PCDH9: variants seen among roughly 807,000 people sequenced by gnomAD.
PCDH9 encodes the protein protocadherin-9.
In PCDH9, 24 loss-of-function variants were observed where a neutral mutation model predicts 70.6. The observed-to-expected ratio is 0.34, with a 90% CI of 0.25 to 0.48. The LOEUF (loss-of-function observed/expected upper bound fraction) is 0.48. Among genes scored for constraint, PCDH9 ranks in the 20% least tolerant of loss-of-function variants. The probability of loss-of-function intolerance (pLI) is 0.99; values close to 1 mark genes in which losing one functional copy is unlikely to be tolerated. For missense variants in PCDH9, 1,281 were observed against 1,503.6 expected, an observed-to-expected ratio of 0.85 and a Z score of 2.45; for synonymous variants, 562 against 558.5, an observed-to-expected ratio of 1.01 and a Z score of -0.09.
chr13:66,924,986 T>A (rs2139649916), intron 2 of PCDH9, among the ~76,000 whole-genome samples: 1 of 151,878 alleles, frequency 6.6e-6, no homozygotes, highest in East Asian at 1.9e-4. Flanking sequence ...TAAACATGAT[T>A]TTTTTTATAA....
chr13:66,924,896 A>G (rs2082692845), intron 2 of PCDH9, among the ~76,000 whole-genome samples: 1 of 151,842 alleles, frequency 6.6e-6, no homozygotes, highest in Admixed American at 6.6e-5. Flanking sequence ...AAACTGGAAC[A>G]CTGGAAGGCA....
intron 3 of PCDH9, among the ~76,000 whole-genome samples, chr13:66,892,440 C>A (rs532073179): frequency 6.6e-6 from 1 of 151,938 alleles, no homozygotes; most frequent in Non-Finnish European, 1.5e-5. Flanking sequence ...GGCCTGACAT[C>A]CAAAATTTAG....
chr13:66,953,198 C>G (rs2083212065), intron 2 of PCDH9, among the ~76,000 whole-genome samples: 1 of 149,586 alleles, frequency 6.7e-6, no homozygotes, highest in Non-Finnish European at 1.5e-5. Flanking sequence ...GGCACTAGTC[C>G]ATATAACGTT....
intron 3 of PCDH9, among the ~76,000 whole-genome samples, chr13:66,726,381 G>A (rs2079005750): frequency 6.6e-6 from 1 of 152,056 alleles, no homozygotes; most frequent in South Asian, 2.1e-4. Context: ...AAGACATAAG[G>A]AAAAATGCAA....
chr13:66,679,259 A>G (rs2078285751), intron 3 of PCDH9, among the ~76,000 whole-genome samples: 1 of 151,746 alleles, frequency 6.6e-6, no homozygotes, highest in African/African-American at 2.4e-5. Context: ...ATTGACATTT[A>G]CAAGATGATT....
chr13:66,933,517 T>C (rs2082851009), intron 2 of PCDH9, among the ~76,000 whole-genome samples: 1 of 152,210 alleles, frequency 6.6e-6, no homozygotes, highest in African/African-American at 2.4e-5. Flanking sequence ...ATTGCTACAA[T>C]AGCAAAGCAG....
At chr13:66,699,456 C>T (rs1262040880) in intron 3 of PCDH9, among the ~76,000 whole-genome samples, 1 of 152,092 alleles carries the variant, frequency 6.6e-6, no homozygotes, top group African/African-American at 2.4e-5. Flanking sequence ...GATAAAATCA[C>T]CCAGGATTAT....
chr13:66,939,631 T>C (rs1474158740), intron 2 of PCDH9, among the ~76,000 whole-genome samples: 1 of 152,084 alleles, frequency 6.6e-6, no homozygotes, highest in African/African-American at 2.4e-5. Flanking sequence ...GAGACACGGC[T>C]GGTCTTGAAC....
At chr13:66,709,909 A>G (rs974744384) in intron 3 of PCDH9, among the ~76,000 whole-genome samples, 16 of 152,252 alleles carry the variant, frequency 1.1e-4, no homozygotes, top group Admixed American at 1.0e-3. Context: ...AGAAGGATGA[A>G]CTAGACAAGG....
chr13:66,869,316 A>C (rs2081630468), intron 3 of PCDH9, among the ~76,000 whole-genome samples: 1 of 152,080 alleles, frequency 6.6e-6, no homozygotes, highest in South Asian at 2.1e-4. Flanking sequence ...CATTGTCAAA[A>C]CTGGCATTTC....
intron 2 of PCDH9, among the ~76,000 whole-genome samples, chr13:66,972,430 A>G (rs1220574125): frequency 6.6e-6 from 1 of 151,896 alleles, no homozygotes; most frequent in Non-Finnish European, 1.5e-5. Context: ...CTATTTTTTG[A>G]TGGACCTTTT....
intron 2 of PCDH9, among the ~76,000 whole-genome samples, chr13:67,068,554 G>C (rs967193182): frequency 6.6e-6 from 1 of 151,998 alleles, no homozygotes; most frequent in Non-Finnish European, 1.5e-5. Context: ...TTTCATATGA[G>C]GAAACTGAAA....
At chr13:66,763,538 G>T (rs528134106) in intron 3 of PCDH9, among the ~76,000 whole-genome samples, 1 of 151,950 alleles carries the variant, frequency 6.6e-6, no homozygotes, top group Non-Finnish European at 1.5e-5. Context: ...TCCTATAGAT[G>T]TTCAAAAGGA....
At chr13:66,603,753 G>C (rs889459972) in intron 4 of PCDH9, among the ~76,000 whole-genome samples, 7 of 151,920 alleles carry the variant, frequency 4.6e-5, no homozygotes, top group Non-Finnish European at 1.0e-4. Context: ...TTTGATGTAA[G>C]AGTTTTACAT....
chr13:66,495,987 C>T (rs1001218142), intron 4 of PCDH9, among the ~76,000 whole-genome samples: 2 of 152,134 alleles, frequency 1.3e-5, no homozygotes, highest in African/African-American at 4.8e-5. Context: ...ATGTGCTTTA[C>T]TTGTTTAAAC....
chr13:66,406,045 T>C (rs548372572), intron 4 of PCDH9, among the ~76,000 whole-genome samples: 1 of 152,174 alleles, frequency 6.6e-6, no homozygotes. Context: ...GCTGTATTTA[T>C]GAAGAAGTTA....
At chr13:66,627,295 C>A (rs2077511898) in intron 4 of PCDH9, among the ~76,000 whole-genome samples, 1 of 152,130 alleles carries the variant, frequency 6.6e-6, no homozygotes, top group Non-Finnish European at 1.5e-5. Flanking sequence ...CCACTGAATT[C>A]AAAGGGGACA....
intron 2 of PCDH9, among the ~76,000 whole-genome samples, chr13:67,013,821 T>G (rs2084502216): frequency 6.6e-6 from 1 of 151,920 alleles, no homozygotes; most frequent in Non-Finnish European, 1.5e-5. Context: ...CTATTGACCT[T>G]AACTATGAAA....
chr13:66,351,742 A>G (rs1310425444), intron 4 of PCDH9, among the ~76,000 whole-genome samples: 1 of 151,822 alleles, frequency 6.6e-6, no homozygotes, highest in African/African-American at 2.4e-5. Flanking sequence ...ATTCCAAGCT[A>G]TATCTTCTCA....
Sources: gnomAD v4.1 joint callset for allele counts (sites outside exome capture counted in the v4.1 genomes callset) on GRCh38, gnomAD v4.1.1 for gene constraint, MANE v1.5 for transcripts, NCBI Gene and HGNC (gene_info 2026-07-23, HGNC 2026-07-21) for gene names.